The following JAZF1 variants were observed in gnomAD, a reference collection of about 807,000 sequenced individuals.
The protein encoded by JAZF1 is juxtaposed with another zinc finger protein 1.
Under a neutral mutation model 26.4 loss-of-function variants are expected in JAZF1, and 8 were observed. The ratio of observed to expected loss-of-function variants is 0.30; its 90% CI spans 0.18 to 0.55. JAZF1 has a LOEUF of 0.55. JAZF1 is among the 20% of genes least tolerant of loss of function. JAZF1 has a pLI of 0.94. For missense variants in JAZF1, 199 were observed against 322.0 expected (o/e 0.62, Z 2.92); for synonymous variants, 126 against 122.3 (o/e 1.03, Z -0.20).
chr7:27,980,455 T>C (rs776336746), intron 2 of JAZF1, among the ~76,000 whole-genome samples: 8 of 152,204 alleles, frequency 5.3e-5, no homozygotes, highest in African/African-American at 9.7e-5. Flanking sequence ...AATAGGTATA[T>C]AAAGGCAACA....
At chr7:28,004,288 T>A (rs757175649) in intron 1 of JAZF1, among the ~76,000 whole-genome samples, 2 of 152,098 alleles carry the variant, frequency 1.3e-5, no homozygotes, top group Non-Finnish European at 1.5e-5. Flanking sequence ...CTGACGCCTA[T>A]GATCCCATCT....
chr7:28,004,161 A>G (rs1197622097), intron 1 of JAZF1, among the ~76,000 whole-genome samples: 1 of 152,188 alleles, frequency 6.6e-6, no homozygotes, highest in Non-Finnish European at 1.5e-5. Context: ...TTTGTGATTT[A>G]AGTACCTGGA....
In JAZF1 at chr7:27,832,732, A is replaced by G. The variant is rs1164761581; in HGVS notation, c.*68T>C. On this transcript the variant is annotated 3_prime_UTR_variant, in exon 5 of 5. Coordinates refer to ENST00000283928, the MANE Select transcript of JAZF1 (RefSeq NM_175061.4). Reference sequence around the variant, plus strand: ...AGGGTTGCTGAATGCTTCCCCTGAAAAAAGGTGGCTGTTTTCAAAATCAGC... The same window carrying G: ...AGGGTTGCTGAATGCTTCCCCTGAAGAAAGGTGGCTGTTTTCAAAATCAGC... 7.7e-7 allele frequency: 1 copy of G among 1,306,748 alleles called. No individual in the cohort carries two copies. The highest frequency in any genetic ancestry group is 2.5e-5 in the East Asian group (1 of 39,366). 80.9% of individuals were successfully genotyped at this position (1,306,748 alleles called of 1,614,324 possible).
At chr7:28,034,127 A>C (rs987839979) in intron 1 of JAZF1, among the ~76,000 whole-genome samples, 1 of 152,152 alleles carries the variant, frequency 6.6e-6, no homozygotes, top group Non-Finnish European at 1.5e-5. Flanking sequence ...ATCTTTTATG[A>C]CTTTCTAAAA....
chr7:28,170,899 C>T (rs1309618092), intron 1 of JAZF1, among the ~76,000 whole-genome samples: 1 of 152,206 alleles, frequency 6.6e-6, no homozygotes, highest in Non-Finnish European at 1.5e-5. Context: ...CTGTTCTTTG[C>T]TCTGTGTCCT....
chr7:28,035,650 G>A (rs146565787), intron 1 of JAZF1, among the ~76,000 whole-genome samples: 1 of 152,242 alleles, frequency 6.6e-6, no homozygotes, highest in African/African-American at 2.4e-5. Context: ...GAGTAAGCTG[G>A]AGGATAAAGT....
At chr7:27,920,974 AT>A (rs1174747209) in intron 2 of JAZF1, among the ~76,000 whole-genome samples, 1 of 152,192 alleles carries the variant, frequency 6.6e-6, no homozygotes, top group Admixed American at 6.5e-5. Context: ...GCACAAAAAT[AT>A]ATTTTATTTA....
At chr7:28,043,165 T>C (rs779128046) in intron 1 of JAZF1, among the ~76,000 whole-genome samples, 6 of 152,106 alleles carry the variant, frequency 3.9e-5, no homozygotes, top group Non-Finnish European at 7.4e-5. Flanking sequence ...AACTGTGACA[T>C]AAGGAGGCAA....
At chr7:27,851,169 CT>C (rs1299512580) in intron 3 of JAZF1, among the ~76,000 whole-genome samples, 5 of 152,136 alleles carry the variant, frequency 3.3e-5, no homozygotes, top group Non-Finnish European at 7.4e-5. Context: ...TCTTGAACCC[CT>C]AACCTTAGGT....
intron 2 of JAZF1, among the ~76,000 whole-genome samples, chr7:27,957,661 C>T (rs1299007648): frequency 2.0e-5 from 3 of 152,154 alleles, no homozygotes; most frequent in African/African-American, 7.2e-5. Context: ...CTTGCAAATG[C>T]CCCTGCTCCA....
chr7:28,044,078 C>T (rs1783451809), intron 1 of JAZF1, among the ~76,000 whole-genome samples: 1 of 152,094 alleles, frequency 6.6e-6, no homozygotes, highest in Admixed American at 6.6e-5. Context: ...TTGTACATTA[C>T]TGTAAATGTA....
chr7:28,172,924 G>C (rs1272799294), intron 1 of JAZF1, among the ~76,000 whole-genome samples: 1 of 152,180 alleles, frequency 6.6e-6, no homozygotes, highest in Admixed American at 6.5e-5. Flanking sequence ...TATCTCAAAA[G>C]CACTTTCAAG....
rs1465164491 is a variant in JAZF1, at chr7:27,830,868, T to G, written c.*1932A>C. 1 of 212,896 alleles carries G rather than the reference T, an allele frequency of 4.7e-6. No individual in the cohort carries two copies. The highest frequency in any genetic ancestry group is 9.5e-6 in the Non-Finnish European group (1 of 105,026). The allele number at this position is 212,896 out of a possible 1,614,324, so 13.2% of individuals were successfully genotyped here. On this transcript the variant is annotated 3_prime_UTR_variant, in exon 5 of 5. Transcript: ENST00000283928. ...AGTAAATAGAAATTGGAATTTATCT[T>G]TGAAAGCATTGAAAGAAATTTAACA...
intron 2 of JAZF1, among the ~76,000 whole-genome samples, chr7:27,915,687 C>T (rs1479899156): frequency 6.6e-6 from 1 of 152,148 alleles, no homozygotes; most frequent in African/African-American, 2.4e-5. Flanking sequence ...ACATGCTCAT[C>T]CAAAACAAAT....
At chr7:28,058,927 G>A (rs530604024) in intron 1 of JAZF1, among the ~76,000 whole-genome samples, 7 of 150,756 alleles carry the variant, frequency 4.6e-5, no homozygotes, top group South Asian at 2.1e-4. Context: ...CACATCAAGC[G>A]TAACACTAAC....
At chr7:28,080,697 G>A (rs952263276) in intron 1 of JAZF1, among the ~76,000 whole-genome samples, 1 of 152,176 alleles carries the variant, frequency 6.6e-6, no homozygotes, top group Non-Finnish European at 1.5e-5. Context: ...GGAAGGACCT[G>A]TTGATAGAGC....
In JAZF1 at chr7:28,174,896, G is replaced by A. The variant is rs1191513878; in HGVS notation, c.115+5567C>T. 1.5e-4 allele frequency among the ~76,000 whole-genome samples: 18 copies of A among 120,836 alleles called. 2 individuals carry two copies. The highest frequency in any genetic ancestry group is 4.1e-4 in the African/African-American group (16 of 38,892). The allele number at this position is 120,836 out of a possible 152,430, so 79.3% of individuals were successfully genotyped here. Reference sequence around the variant, plus strand: ...CTAGCATTACACCTGGGGGCTTCTCGGGAACCCTGGGAGTAACAGGGAGAT... The same window carrying A: ...CTAGCATTACACCTGGGGGCTTCTCAGGAACCCTGGGAGTAACAGGGAGAT... On this transcript the variant is annotated intron_variant, in intron 1 of 4. Transcript: ENST00000283928.
At chr7:27,936,804 C>T (rs1035486083) in intron 2 of JAZF1, among the ~76,000 whole-genome samples, 2 of 152,184 alleles carry the variant, frequency 1.3e-5, no homozygotes, top group Admixed American at 6.5e-5. Flanking sequence ...GATTTATTTG[C>T]TGTTGTCAAA....
At chr7:28,171,704 T>C (rs765122932) in intron 1 of JAZF1, among the ~76,000 whole-genome samples, 1 of 152,230 alleles carries the variant, frequency 6.6e-6, no homozygotes, top group Non-Finnish European at 1.5e-5. Context: ...CTAGTTCATA[T>C]TTCACTAAGT....
Sources: gnomAD v4.1 joint callset for allele counts (sites outside exome capture counted in the v4.1 genomes callset) on GRCh38, gnomAD v4.1.1 for gene constraint, MANE v1.5 for transcripts, NCBI Gene and HGNC (gene_info 2026-07-23, HGNC 2026-07-21) for gene names.